MORC4: variants seen among roughly 807,000 people sequenced by gnomAD.
The protein encoded by MORC4 is MORC family CW-type zinc finger 4, also known as MORC family CW-type zinc finger protein 4.
A neutral mutation model predicts 65.5 loss-of-function variants in MORC4; 22 were observed. The ratio of observed to expected loss-of-function variants is 0.34; its 90% CI spans 0.24 to 0.48. The LOEUF (loss-of-function observed/expected upper bound fraction) is 0.48, where lower values mean the gene tolerates loss of function less well. Ranked by LOEUF, MORC4 falls within the 20% of genes least tolerant of loss-of-function variation. The pLI is 0.99. For missense variants in MORC4, 624 were observed against 703.0 expected (o/e 0.89, Z 1.27); for synonymous variants, 267 against 255.8 (o/e 1.04, Z -0.42).
At position 106,954,956 on chromosome X, in the gene MORC4, G is replaced by A; in HGVS notation, c.1642C>T (p.Leu548Phe). 8.3e-7 allele frequency: 1 copy of A among 1,210,211 alleles called. No homozygotes were observed. The change falls in exon 14 of 17, where the codon CTT becomes TTT. Residue 548 changes from leucine (L) to phenylalanine (F), a missense_variant. Leu to Phe is a conservative substitution (Grantham distance 22). Coordinates refer to ENST00000355610, the MANE Select transcript of MORC4 (RefSeq NM_024657.5). ...CTGGAATCCAGAGGCTTAAGTTGAA[G>A]AGATGGTGATCTGCTTTCTTCTCCA... Reference protein sequence around the residue: ...SGGEESRSPSLQLKPLDSSVL... With the variant: ...SGGEESRSPSFQLKPLDSSVL...
At chrX:106,941,775 C>A in intron 16 of MORC4, 143 bp from the exon 17 acceptor site, 1 of 807,295 alleles carries the variant, frequency 1.2e-6, no homozygotes. Flanking sequence ...ACAACGCCAC[C>A]AAGCACAGGG....
At chrX:106,972,239 T>G (rs1358375212) in intron 9 of MORC4, among the ~76,000 whole-genome samples, 2 of 111,011 alleles carry the variant, frequency 1.8e-5, no homozygotes, top group Non-Finnish European at 3.8e-5. Context: ...ACACCGCATG[T>G]TCTCACTCAT....
At position 106,999,996 on chromosome X, in the gene MORC4, G is replaced by A; in HGVS notation, c.-27C>T. ...TTTTTGGCCGCCACGGTACCCGTCTGCTGCCGCCGGACCCCTGGCCCGGCG... is the reference window on the plus strand; with the variant it reads ...TTTTTGGCCGCCACGGTACCCGTCTACTGCCGCCGGACCCCTGGCCCGGCG... On this transcript the variant is annotated 5_prime_UTR_variant, in exon 1 of 17. Coordinates refer to ENST00000355610, the MANE Select transcript of MORC4 (RefSeq NM_024657.5). 1 of 722,981 alleles carries A rather than the reference G, an allele frequency of 1.4e-6. No homozygotes were observed. The highest frequency in any genetic ancestry group is 1.7e-6 in the Non-Finnish European group (1 of 575,485). 59.6% of individuals were successfully genotyped at this position (722,981 alleles called of 1,213,427 possible).
chrX:106,958,402 C>T lies in MORC4; in HGVS notation c.1319G>A (p.Gly440Glu). 8.3e-7 allele frequency: 1 copy of T among 1,205,312 alleles called. No homozygotes were observed. The highest frequency in any genetic ancestry group is 1.8e-5 in the South Asian group (1 of 56,620). The stretch of plus-strand genomic sequence containing the variant: ...AGGTAACATGGATGGATCAATCTTC[C>T]CAGGAAGCTTTCTCCATTTAAGACA... ...DECLKWRKLP[G>E]KIDPSMLPAR... The change falls in exon 11 of 17, where the codon GGG becomes GAG. Residue 440 changes from glycine (G) to glutamate (E), a missense_variant. Physicochemically the swap from Gly to Glu is moderately conservative, Grantham distance 98 (BLOSUM62 -2). Transcript: ENST00000355610.
intron 14 of MORC4, among the ~76,000 whole-genome samples, chrX:106,952,826 ATTAAACC>A (rs767349371): frequency 8.9e-5 from 10 of 112,042 alleles, no homozygotes; most frequent in Non-Finnish European, 1.5e-4. Context: ...GTAACTCTTG[ATTAAACC>A]TTAATGTTTT....
intron 9 of MORC4, among the ~76,000 whole-genome samples, chrX:106,975,262 C>CATA (rs1159090801): frequency 8.9e-6 from 1 of 111,838 alleles, no homozygotes; most frequent in Non-Finnish European, 1.9e-5. Context: ...TCAATTGAAA[C>CATA]ATAATAACTT....
At chrX:106,962,449 A>G (rs1012148274) in intron 9 of MORC4, among the ~76,000 whole-genome samples, 1 of 112,474 alleles carries the variant, frequency 8.9e-6, no homozygotes, top group African/African-American at 3.2e-5. Flanking sequence ...CTGCAGAGAT[A>G]GGATAGAGCC....
Position 106,956,936 on chromosome X carries a change from T to C in MORC4, c.1454A>G (p.Gln485Arg). The C allele has an allele frequency of 8.4e-7, 1 of 1,190,630 alleles. No homozygotes were observed. Among genetic ancestry groups the C allele is most frequent in the Non-Finnish European group, 1.1e-6 (1 of 878,249 alleles). Residue 485 changes from glutamine (Q) to arginine (R), a missense_variant and splice_region_variant, in exon 12 of 17, where the codon CAA becomes CGA. Transcript: ENST00000355610. ...GAACCCCATCTCATGTATACTCAAC[T>C]GTTTCTTAGCTTTGCTCAAGCACAG... The part of the protein sequence containing the change: ...EDLCLSKAKK[Q>R]EQTVEEKKKM...
chrX:106,999,606 C>T, intron 2 of MORC4, 71 bp downstream of exon 2: 1 of 1,014,443 alleles, frequency 9.9e-7, no homozygotes. Context: ...GCGCATTCCT[C>T]TCGCGTCCGC....
intron 7 of MORC4, among the ~76,000 whole-genome samples, chrX:106,978,951 T>TA (rs1427674757): frequency 7.2e-5 from 8 of 111,696 alleles, no homozygotes; most frequent in African/African-American, 2.6e-4. Flanking sequence ...GACAACTGAT[T>TA]ATTATAAGTA....
chrX:106,961,868 C>T (rs1569299890), intron 10 of MORC4, 144 bp downstream of exon 10: 3 of 487,690 alleles, frequency 6.2e-6, no homozygotes, highest in East Asian at 7.2e-5. Context: ...ACACTCACCA[C>T]GAAGGTCTGC....
chrX:106,949,317 T>C (rs1933919762), intron 14 of MORC4, among the ~76,000 whole-genome samples: 1 of 112,073 alleles, frequency 8.9e-6, no homozygotes, highest in African/African-American at 3.2e-5. Context: ...CTTTAGTTCT[T>C]TGAATGTGTT....
intron 9 of MORC4, among the ~76,000 whole-genome samples, chrX:106,975,445 A>G (rs1934603248): frequency 9.0e-6 from 1 of 111,385 alleles, no homozygotes; most frequent in African/African-American, 3.3e-5. Context: ...TGAACCAATT[A>G]CCCTGAAATT....
intron 13 of MORC4, among the ~76,000 whole-genome samples, chrX:106,956,121 C>T (rs1934099687): frequency 9.0e-6 from 1 of 111,465 alleles, no homozygotes. Flanking sequence ...AGGAAGGGAT[C>T]ACCCCTGAAT....
intron 14 of MORC4, among the ~76,000 whole-genome samples, chrX:106,947,571 T>TATATATATATATA (rs1555982139): frequency 1.3e-5 from 1 of 77,956 alleles, no homozygotes; most frequent in Non-Finnish European, 2.3e-5. Flanking sequence ...TATATATATA[T>TATATATATATATA]TATATATATA....
chrX:106,986,078 C>A lies in MORC4; in HGVS notation c.431G>T (p.Gly144Val), dbSNP rs188311784. 5.8e-6 allele frequency: 7 copies of A among 1,208,202 alleles called. No individual in the cohort carries two copies. The highest frequency in any genetic ancestry group is 4.4e-5 in the Admixed American group (2 of 45,760). Residue 144 changes from glycine to valine, a missense_variant, in exon 4 of 17, where the codon GGT becomes GTT. Transcript: ENST00000355610. ...KDALVFTKNG[G>V]TLTVGLLSQT... ...TGATAGAAGTCCAACAGTGAGAGTA[C>A]CCCCATTCTTGGTGAAGACAAGGGC...
chrX:106,979,325 A>C (rs73533068), intron 7 of MORC4, among the ~76,000 whole-genome samples: 9,316 of 110,606 alleles, frequency 0.084, 1,001 homozygotes, highest in African/African-American at 0.29. Flanking sequence ...CTAACGCAAA[A>C]ACAAAACAAG....
intron 1 of MORC4, 39 bp from the exon 2 acceptor site, chrX:106,999,788 G>T: frequency 1.0e-6 from 1 of 985,076 alleles, no homozygotes; most frequent in Non-Finnish European, 1.3e-6. Flanking sequence ...GTGAGGCCTC[G>T]GCCCGCCGGG....
At chrX:106,973,423 A>G (rs771390417) in intron 9 of MORC4, among the ~76,000 whole-genome samples, 2 of 111,723 alleles carry the variant, frequency 1.8e-5, no homozygotes, top group African/African-American at 3.3e-5. Context: ...TGACATTTAC[A>G]TGAAATTTTT....
Sources: gnomAD v4.1 joint callset for allele counts (sites outside exome capture counted in the v4.1 genomes callset) on GRCh38, gnomAD v4.1.1 for gene constraint, MANE v1.5 for transcripts, NCBI Gene and HGNC (gene_info 2026-07-23, HGNC 2026-07-21) for gene names.